RGP1: variants seen among roughly 807,000 people sequenced by gnomAD.
The protein encoded by RGP1 is RGP1 partner of RAB6A GEF complex.
Under a neutral mutation model 44.5 loss-of-function variants are expected in RGP1, and 28 were observed. The observed-to-expected ratio is 0.63, with a 90% confidence interval of 0.47 to 0.86. The LOEUF (loss-of-function observed/expected upper bound fraction) is 0.86. Among genes scored for constraint, RGP1 ranks in the 40% least tolerant of loss-of-function variants. RGP1 has a pLI of 0.00. For synonymous variants in RGP1, 212 were observed against 196.7 expected (o/e 1.08, Z -0.65); for missense variants, 417 against 490.7 (o/e 0.85, Z 1.42).
At chr9:35,766,290 T>C in the RGP1 span, among the ~76,000 whole-genome samples, 3 of 152,128 alleles carry the variant, frequency 2.0e-5, no homozygotes, top group South Asian at 6.2e-4. Flanking sequence ...TTTGGTGAAA[T>C]CTATTCAAAG....
chr9:35,751,913 A>G, intron 7 of RGP1, 43 bp from the exon 8 acceptor site: 1 of 1,557,664 alleles, frequency 6.4e-7, no homozygotes, highest in Non-Finnish European at 8.7e-7. Flanking sequence ...TCTCACCTAC[A>G]GACAGCACTT....
the RGP1 span, among the ~76,000 whole-genome samples, chr9:35,777,945 A>G: frequency 6.6e-6 from 1 of 152,192 alleles, no homozygotes; most frequent in Non-Finnish European, 1.5e-5. Context: ...TATGATTAAG[A>G]TTCATTTTTA....
the RGP1 span, among the ~76,000 whole-genome samples, chr9:35,764,853 C>T: frequency 1.3e-5 from 2 of 152,148 alleles, no homozygotes; most frequent in East Asian, 1.9e-4. Context: ...TGGCCAGGCA[C>T]GATGGCTCAC....
chr9:35,753,982 C>T lies in RGP1; in HGVS notation c.*1108C>T, dbSNP rs753290671. 1.2e-5 allele frequency: 20 copies of T among 1,607,108 alleles called. No homozygotes were observed. The highest frequency in any genetic ancestry group is 3.4e-5 in the Admixed American group (2 of 59,630). On this transcript the variant is annotated 3_prime_UTR_variant, in exon 9 of 9. Coordinates refer to ENST00000378078, the MANE Select transcript of RGP1 (RefSeq NM_001080496.3). This position sits in a 1 kb window ranked among gnomAD's most constrained non-coding sequence, Gnocchi z 4.2. ...CTCTCTGCTGCTCCTCCATTCCTAACGCTTCACCCCACTTTACCTTGAGCT... is the reference window on the plus strand; with the variant it reads ...CTCTCTGCTGCTCCTCCATTCCTAATGCTTCACCCCACTTTACCTTGAGCT...
In RGP1 at chr9:35,749,359, G is replaced by A. The variant is rs1464118238; in HGVS notation, c.-69G>A. ...GCGTACCTAGCCAGGTCCCTGAGGG[G>A]CGGGCAGATGAGGCCTAGGGGTGCC... On this transcript the variant is annotated 5_prime_UTR_variant, in exon 1 of 9. Coordinates refer to ENST00000378078, the MANE Select transcript of RGP1 (RefSeq NM_001080496.3). This position sits in a 1 kb window ranked among gnomAD's most constrained non-coding sequence, Gnocchi z 4.4. The A allele has an allele frequency of 3.7e-6, 2 of 540,142 alleles. No individual in the cohort carries two copies. The highest frequency in any genetic ancestry group is 7.6e-6 in the Non-Finnish European group (2 of 264,026). The allele number at this position is 540,142 out of a possible 1,614,324, so 33.5% of individuals were successfully genotyped here.
the RGP1 span, chr9:35,780,401 G>A: frequency 6.6e-6 from 1 of 152,318 alleles, no homozygotes. Flanking sequence ...TTGTGAAGAG[G>A]TACAAAGGAG....
At chr9:35,767,953 T>C in the RGP1 span, among the ~76,000 whole-genome samples, 1 of 151,632 alleles carries the variant, frequency 6.6e-6, no homozygotes, top group East Asian at 1.9e-4. Flanking sequence ...GCGCCCACCA[T>C]GACACCCAGC....
the RGP1 span, among the ~76,000 whole-genome samples, chr9:35,770,532 A>AGAGAGAGT: frequency 8.4e-6 from 1 of 119,726 alleles, no homozygotes; most frequent in South Asian, 3.0e-4. Flanking sequence ...AGAGAGAGAG[A>AGAGAGAGT]GAGAGAGTTG....
At chr9:35,785,342 C>T in the RGP1 span, among the ~76,000 whole-genome samples, 23 of 151,350 alleles carry the variant, frequency 1.5e-4, 1 homozygote, top group Middle Eastern at 3.5e-3. Flanking sequence ...GAAGGTGCCT[C>T]AGGGGTTCTG....
Position 35,756,247 on chromosome 9 carries a change from C to T in RGP1, c.*3373C>T, listed in dbSNP as rs1300737950. 2 of 152,354 alleles carry T rather than the reference C, an allele frequency of 1.3e-5. No homozygotes were observed. The highest frequency in any genetic ancestry group is 3.8e-4 in the East Asian group (2 of 5,206). The allele number at this position is 152,354 out of a possible 1,614,324, so 9.4% of individuals were successfully genotyped here. On this transcript the variant is annotated 3_prime_UTR_variant, in exon 9 of 9. Coordinates refer to ENST00000378078, the MANE Select transcript of RGP1 (RefSeq NM_001080496.3). ...TTTTCTACGTTTTCAGTCCCATTTACTCCAAGACTCACTCCCTGCCACCTA... is the reference window on the plus strand; with the variant it reads ...TTTTCTACGTTTTCAGTCCCATTTATTCCAAGACTCACTCCCTGCCACCTA...
At chr9:35,762,933 G>A (rs1453229017), downstream of RGP1, among the ~76,000 whole-genome samples, 5 of 150,040 alleles carry the variant, frequency 3.3e-5, no homozygotes, top group East Asian at 2.0e-4. Flanking sequence ...GCTGAGATAC[G>A]GAAGAAGTGT....
At chr9:35,768,599 C>T in the RGP1 span, among the ~76,000 whole-genome samples, 2 of 152,204 alleles carry the variant, frequency 1.3e-5, no homozygotes, top group African/African-American at 4.8e-5. Flanking sequence ...CTCAGGCTAT[C>T]TCCAGGCTGA....
the RGP1 span, among the ~76,000 whole-genome samples, chr9:35,782,280 A>C: frequency 6.6e-6 from 1 of 152,200 alleles, no homozygotes; most frequent in East Asian, 1.9e-4. Context: ...TAATTATTAG[A>C]AGGAAGATTT....
rs1347357899 is a variant in RGP1 at position 35,750,333 on chromosome 9, G to A, written c.207G>A (p.Gln69=). ...CACTGCCTCCTCCTGACTCTAGTCAGCCAGATGTCCAGCCCGACAGCCAGA... is the reference window on the plus strand; with the variant it reads ...CACTGCCTCCTCCTGACTCTAGTCAACCAGATGTCCAGCCCGACAGCCAGA... ...RVALPPPDSS[Q]PDVQPDSQTV... The change falls in exon 3 of 9, where the codon CAG becomes CAA. Residue 69 remains glutamine, a synonymous_variant. Transcript: ENST00000378078. The A allele has an allele frequency of 6.2e-7, 1 of 1,613,970 alleles. No homozygotes were observed. The highest frequency in any genetic ancestry group is 1.1e-5 in the South Asian group (1 of 91,080).
In RGP1 at chr9:35,750,725, T is replaced by C. The variant is rs766310034; in HGVS notation, c.321T>C (p.Pro107=). 84 of 1,613,936 alleles carry C rather than the reference T, an allele frequency of 5.2e-5. No homozygotes were observed. The Middle Eastern group carries it at 8.2e-4, about 16-fold the overall frequency. Residue 107 remains proline (P), a synonymous_variant, in exon 4 of 9, where the codon CCT becomes CCC. Coordinates refer to ENST00000378078, the MANE Select transcript of RGP1 (RefSeq NM_001080496.3). ...TATTCTGTGACCTGAGGCTTGATCCTGGAGAGTCCAAATCATGTGAGTGAT... is the reference window on the plus strand; with the variant it reads ...TATTCTGTGACCTGAGGCTTGATCCCGGAGAGTCCAAATCATGTGAGTGAT... The part of the protein sequence containing the change: ...KILFCDLRLD[P]GESKSYSYSE...
In RGP1 at chr9:35,749,479, G is replaced by C. The variant is rs1366876335; in HGVS notation, c.-20+71G>C. ...AAAGGGGGAGCGGAGGCCAGTTTGGGAACTCCGCGGGGGTGCCCAGGGAGA... is the reference window on the plus strand; with the variant it reads ...AAAGGGGGAGCGGAGGCCAGTTTGGCAACTCCGCGGGGGTGCCCAGGGAGA... On this transcript the variant is annotated intron_variant, in intron 1 of 8. Coordinates refer to ENST00000378078, the MANE Select transcript of RGP1 (RefSeq NM_001080496.3). This position sits in a 1 kb window ranked among gnomAD's most constrained non-coding sequence, Gnocchi z 4.4. The C allele has an allele frequency of 9.2e-5, 59 of 641,868 alleles. No homozygotes were observed. The highest frequency in any genetic ancestry group is 8.2e-4 in the Middle Eastern group (3 of 3,650). 39.8% of individuals were successfully genotyped at this position (641,868 alleles called of 1,614,324 possible).
chr9:35,753,015 GT>G lies in RGP1; in HGVS notation c.*143del. 6.4e-7 allele frequency: 1 copy of G among 1,559,234 alleles called. No individual in the cohort carries two copies. Among genetic ancestry groups the G allele is most frequent in the Non-Finnish European group, 8.8e-7 (1 of 1,141,614 alleles). On this transcript the variant is annotated 3_prime_UTR_variant, in exon 9 of 9. Coordinates refer to ENST00000378078, the MANE Select transcript of RGP1 (RefSeq NM_001080496.3). The surrounding 1 kb of genome is among the most constrained non-coding windows in gnomAD (Gnocchi z 4.2). Reference sequence around the variant, plus strand: ...TTTCAGCTATAGCATTAATTTATTTGTTCAGAATACATTGGCAGCTGCTAGT... The same window carrying G: ...TTTCAGCTATAGCATTAATTTATTTGTCAGAATACATTGGCAGCTGCTAGT...
chr9:35,751,968 T>C lies in RGP1; in HGVS notation c.775T>C (p.Leu259=), dbSNP rs1434505259. The C allele has an allele frequency of 6.3e-7, 1 of 1,577,820 alleles. No individual in the cohort carries two copies. The highest frequency in any genetic ancestry group is 2.2e-5 in the East Asian group (1 of 44,634). ...TVACLQFSVS[L]QTEERVQPEY... is the part of the protein sequence containing the mutation. ...CTCTTGCTCCCAGTTTTCAGTCAGC[T>C]TACAGACCGAGGAGCGTGTACAGCC... The change falls in exon 8 of 9, where the codon TTA becomes CTA. Residue 259 remains leucine (L), a synonymous_variant. Coordinates refer to ENST00000378078, the MANE Select transcript of RGP1 (RefSeq NM_001080496.3).
chr9:35,781,610 T>G, the RGP1 span, among the ~76,000 whole-genome samples: 1 of 152,118 alleles, frequency 6.6e-6, no homozygotes, highest in Non-Finnish European at 1.5e-5. Context: ...TTAATCCTTG[T>G]ACCTTGACAC....
Sources: allele counts gnomAD v4.1 joint callset (sites outside exome capture counted in the v4.1 genomes callset), GRCh38; gene constraint gnomAD v4.1.1; non-coding constraint Gnocchi (gnomAD v3.1); transcripts MANE v1.5; gene names NCBI Gene and HGNC (gene_info 2026-07-23, HGNC 2026-07-21).